C5: variants seen among roughly 807,000 people sequenced by gnomAD.
The protein encoded by C5 is complement C5.
In C5, 140 loss-of-function variants were observed where a neutral mutation model predicts 218.8. That is an observed-to-expected ratio of 0.64 (90% CI 0.56 to 0.74). The LOEUF (loss-of-function observed/expected upper bound fraction) is 0.74, where lower values mean the gene tolerates loss of function less well. Ranked by LOEUF, C5 falls within the 30% of genes least tolerant of loss-of-function variation. The probability of loss-of-function intolerance (pLI) is 0.00; values close to 1 mark genes in which losing one functional copy is unlikely to be tolerated. For synonymous variants in C5, 614 were observed against 682.3 expected (o/e 0.90, Z 1.56); for missense variants, 1,700 against 1,969.6 (o/e 0.86, Z 2.59).
At chr9:120,981,127 C>T (rs1238953172) in intron 27 of C5, among the ~76,000 whole-genome samples, 1 of 152,206 alleles carries the variant, frequency 6.6e-6, no homozygotes, top group Admixed American at 6.5e-5. Flanking sequence ...AAGCCTGCTG[C>T]GATGCTGCTA....
At chr9:121,032,250 T>C (rs1448944816) in intron 5 of C5, 55 bp from the exon 6 acceptor site, 3 of 994,942 alleles carry the variant, frequency 3.0e-6, no homozygotes, top group Non-Finnish European at 3.2e-6. Context: ...TTTAATTCAC[T>C]CAGAGGAGAT....
At chr9:121,022,264 C>A (rs960206022) in intron 10 of C5, among the ~76,000 whole-genome samples, 2 of 151,302 alleles carry the variant, frequency 1.3e-5, no homozygotes, top group Non-Finnish European at 2.9e-5. Flanking sequence ...AAAATAGATA[C>A]ACCTTTTTTC....
intron 17 of C5, 139 bp from the exon 18 acceptor site, chr9:121,008,637 A>G (rs1483892757): frequency 4.3e-6 from 3 of 689,920 alleles, no homozygotes; most frequent in African/African-American, 1.8e-5. Flanking sequence ...TGCTTCCAAA[A>G]TAGAATTATA....
rs1206212174 is a variant in C5 at position 121,023,425 on chromosome 9, A to C, written c.1095T>G (p.Pro365=). 1 of 1,609,326 alleles carries C rather than the reference A, an allele frequency of 6.2e-7. No individual in the cohort carries two copies. Residue 365 remains proline, a synonymous_variant, in exon 10 of 41, where the codon CCT becomes CCG. Transcript: ENST00000223642. The part of the protein sequence containing the change: ...NLVATPLFLK[P]GIPYPIKVQV... ...CTACCTTGATGGGATATGGAATCCC[A>C]GGCTTCAGGAAAAGAGGAGTAGCAA...
At chr9:121,034,384 T>C (rs537259043) in intron 5 of C5, among the ~76,000 whole-genome samples, 1 of 152,326 alleles carries the variant, frequency 6.6e-6, no homozygotes, top group South Asian at 2.1e-4. Context: ...ATAATAGATA[T>C]AGCTCTGAGA....
intron 22 of C5, among the ~76,000 whole-genome samples, chr9:120,993,982 G>C (rs1387796241): frequency 1.3e-5 from 2 of 152,134 alleles, no homozygotes; most frequent in Non-Finnish European, 2.9e-5. Context: ...GGAAATGAGG[G>C]AGTGAGAAAC....
At position 121,016,294 on chromosome 9, in the gene C5, G is replaced by T; in HGVS notation, c.1956C>A (p.Thr652=). The T allele has an allele frequency of 5.0e-6, 8 of 1,614,040 alleles. No homozygotes were observed. Among genetic ancestry groups the T allele is most frequent in the Non-Finnish European group, 5.9e-6 (7 of 1,179,916 alleles). The change falls in exon 15 of 41, where the codon ACC becomes ACA. Residue 652 remains threonine, a synonymous_variant. Transcript: ENST00000223642. ...CATCTGCATTTGCATTAGTGAGGAA[G>T]GTAAGTCCAGCTAGGTGGAACACAT... ...NANVFHLAGL[T]FLTNANADDS... is the part of the protein sequence containing the mutation.
At chr9:120,959,370 C>T (rs536820693) in intron 38 of C5, among the ~76,000 whole-genome samples, 3 of 151,780 alleles carry the variant, frequency 2.0e-5, no homozygotes, top group Middle Eastern at 3.4e-3. Flanking sequence ...GTGATTCTCC[C>T]GCCTCACCCT....
At chr9:121,065,576 G>T in the C5 span, among the ~76,000 whole-genome samples, 1 of 152,080 alleles carries the variant, frequency 6.6e-6, no homozygotes, top group Non-Finnish European at 1.5e-5. Context: ...CTGCAGCCTC[G>T]AATCGCTCAA....
chr9:121,065,170 T>C, the C5 span, among the ~76,000 whole-genome samples: 3 of 152,122 alleles, frequency 2.0e-5, no homozygotes, highest in Non-Finnish European at 4.4e-5. Flanking sequence ...CATCCCAGTA[T>C]AAATTAGTAT....
At chr9:120,962,177 A>T (rs2046832274) in intron 36 of C5, among the ~76,000 whole-genome samples, 1 of 152,202 alleles carries the variant, frequency 6.6e-6, no homozygotes, top group Non-Finnish European at 1.5e-5. Context: ...TCTATACCCG[A>T]CGCTGCGTTA....
the C5 span, among the ~76,000 whole-genome samples, chr9:121,074,068 G>A: frequency 6.6e-6 from 1 of 152,162 alleles, no homozygotes; most frequent in East Asian, 1.9e-4. Context: ...CTTTTGAGCA[G>A]GCACGCTGCT....
At chr9:121,029,015 C>T (rs2047450513) in intron 7 of C5, among the ~76,000 whole-genome samples, 1 of 152,142 alleles carries the variant, frequency 6.6e-6, no homozygotes, top group South Asian at 2.1e-4. Context: ...CAGCTACTCT[C>T]TGTTTTCTTT....
intron 5 of C5, among the ~76,000 whole-genome samples, chr9:121,033,013 GGTGT>G (rs370287463): frequency 8.4e-5 from 12 of 143,072 alleles, no homozygotes; most frequent in South Asian, 2.1e-4. Flanking sequence ...AAAAACTATG[GGTGT>G]GTGTGTGTGT....
At position 120,989,712 on chromosome 9, in the gene C5, G is replaced by T; in HGVS notation, c.3010C>A (p.Pro1004Thr). 1 of 1,614,082 alleles carries T rather than the reference G, an allele frequency of 6.2e-7. No homozygotes were observed. Among genetic ancestry groups the T allele is most frequent in the Non-Finnish European group, 8.5e-7 (1 of 1,180,000 alleles). The change falls in exon 24 of 41, where the codon CCC becomes ACC. Residue 1004 changes from proline to threonine, a missense_variant. Transcript: ENST00000223642. ...AGCTCCGCCTCTGCACTCCCTTTGGGGAGGTGGGTTAGGATATTGATGCCT... is the reference window on the plus strand; with the variant it reads ...AGCTCCGCCTCTGCACTCCCTTTGGTGAGGTGGGTTAGGATATTGATGCCT... ...QEGINILTHL[P>T]KGSAEAELMS...
At chr9:120,961,033 T>C (rs748776046) in intron 37 of C5, among the ~76,000 whole-genome samples, 1 of 152,222 alleles carries the variant, frequency 6.6e-6, no homozygotes, top group Non-Finnish European at 1.5e-5. Flanking sequence ...TGTTGATTAT[T>C]GGTGAGTTCT....
chr9:120,956,342 T>C (rs1365361338), intron 39 of C5, among the ~76,000 whole-genome samples: 3 of 150,970 alleles, frequency 2.0e-5, no homozygotes, highest in Admixed American at 6.6e-5. Flanking sequence ...CACACAAAAA[T>C]GCCTAGGAAT....
chr9:120,991,079 T>A (rs986682534), intron 23 of C5, 112 bp downstream of exon 23: 1 of 738,908 alleles, frequency 1.4e-6, no homozygotes, highest in Non-Finnish European at 2.4e-6. Flanking sequence ...AAGGTAGATT[T>A]GTGTGTGCTA....
intron 29 of C5, 107 bp downstream of exon 29, chr9:120,976,593 C>T: frequency 1.1e-6 from 1 of 879,948 alleles, no homozygotes. Context: ...TTATTCATAT[C>T]TATTGCATGC....
Sources: gnomAD v4.1 joint callset for allele counts (sites outside exome capture counted in the v4.1 genomes callset) on GRCh38, gnomAD v4.1.1 for gene constraint, MANE v1.5 for transcripts, NCBI Gene and HGNC (gene_info 2026-07-23, HGNC 2026-07-21) for gene names.